Variants in WARS1 observed in about 807,000 individuals in gnomAD.
The protein encoded by WARS1 is tryptophanyl-tRNA synthetase 1.
In WARS1, 17 loss-of-function variants were observed where a neutral mutation model predicts 47.8. The observed-to-expected ratio is 0.36, with a 90% CI of 0.24 to 0.53. WARS1 has a LOEUF of 0.53. WARS1 is among the 20% of genes least tolerant of loss of function. The pLI is 0.91. For synonymous variants in WARS1, 208 were observed against 228.1 expected, an observed-to-expected ratio of 0.91 and a Z score of 0.79; for missense variants, 434 against 608.0, an observed-to-expected ratio of 0.71 and a Z score of 3.01.
intron 7 of WARS1, among the ~76,000 whole-genome samples, chr14:100,343,871 G>C (rs1894342640): frequency 6.6e-6 from 1 of 152,188 alleles, no homozygotes; most frequent in Non-Finnish European, 1.5e-5. Flanking sequence ...TTGACCTCGT[G>C]ATCTGCCCAC....
intron 7 of WARS1, among the ~76,000 whole-genome samples, chr14:100,345,048 G>T (rs1333988351): frequency 1.0e-3 from 121 of 121,496 alleles, no homozygotes; most frequent in Middle Eastern, 4.3e-3. Flanking sequence ...GGAGGGAGGT[G>T]GCGGGGTCAG....
intron 7 of WARS1, among the ~76,000 whole-genome samples, chr14:100,344,739 C>T (rs1323843163): frequency 5.3e-5 from 8 of 151,834 alleles, no homozygotes; most frequent in African/African-American, 1.2e-4. Context: ...CCCGCCGCCC[C>T]GTCTGGGATG....
chr14:100,339,011 C>T lies in WARS1; in HGVS notation c.1114-1809G>A, dbSNP rs1313511798. 2.6e-5 allele frequency among the ~76,000 whole-genome samples: 4 copies of T among 151,706 alleles called. No homozygotes were observed. The East Asian group carries it at 6.0e-4, about 23-fold the overall frequency. ...ATCCCAGCTATTTGGGAGGTTGAGGCAGGAGAATCGCTTGAACCCGGGAGG... is the reference window on the plus strand; with the variant it reads ...ATCCCAGCTATTTGGGAGGTTGAGGTAGGAGAATCGCTTGAACCCGGGAGG... On this transcript the variant is annotated intron_variant, in intron 9 of 10. Transcript: ENST00000392882.
rs1280872688 is a variant in WARS1 at position 100,373,651 on chromosome 14, T to C, written c.-74+1632A>G. The stretch of plus-strand genomic sequence containing the variant: ...ACTGTTTCTTTGCTAGAGGATCAGC[T>C]AGATAAACAGGACTTGCATTTAGGG... On this transcript the variant is annotated intron_variant, in intron 1 of 10. Transcript: ENST00000392882. The surrounding 1 kb of genome is among the most constrained non-coding windows in gnomAD (Gnocchi z 4.4). Among the ~76,000 whole-genome samples, 1 of 152,192 alleles carries C rather than the reference T, an allele frequency of 6.6e-6. No homozygotes were observed. The highest frequency in any genetic ancestry group is 1.5e-5 in the Non-Finnish European group (1 of 68,036).
At chr14:100,355,393 TTG>T (rs1895248434) in intron 4 of WARS1, among the ~76,000 whole-genome samples, 1 of 151,900 alleles carries the variant, frequency 6.6e-6, no homozygotes. Flanking sequence ...AGCTAATTTT[TTG>T]TGTTTTTAAT....
At chr14:100,352,538 T>TG (rs1895064529) in intron 6 of WARS1, among the ~76,000 whole-genome samples, 1 of 152,206 alleles carries the variant, frequency 6.6e-6, no homozygotes, top group Non-Finnish European at 1.5e-5. Flanking sequence ...TGCCTCGGCA[T>TG]GGTCCCTGAT....
intron 4 of WARS1, among the ~76,000 whole-genome samples, chr14:100,356,260 G>GTA (rs1367804828): frequency 6.6e-6 from 1 of 152,140 alleles, no homozygotes; most frequent in Non-Finnish European, 1.5e-5. Flanking sequence ...AGAGGCTACA[G>GTA]TATTACTATA....
intron 7 of WARS1, among the ~76,000 whole-genome samples, chr14:100,344,231 C>T (rs899603519): frequency 2.0e-5 from 3 of 152,128 alleles, no homozygotes; most frequent in Non-Finnish European, 2.9e-5. Flanking sequence ...TGCAGGCGCG[C>T]GCCGCCACGC....
intron 1 of WARS1, chr14:100,370,538 G>C (rs1352949011): frequency 6.6e-6 from 1 of 152,184 alleles, no homozygotes; most frequent in African/African-American, 2.4e-5. Flanking sequence ...CTTGGAGAAG[G>C]AAAATGACAA....
chr14:100,355,050 G>T (rs148200461), intron 4 of WARS1, among the ~76,000 whole-genome samples: 2 of 152,234 alleles, frequency 1.3e-5, no homozygotes, highest in East Asian at 3.9e-4. Context: ...CCCAGTTGGA[G>T]ATCTATCTGG....
intron 2 of WARS1, chr14:100,366,640 T>C: frequency 3.9e-6 from 3 of 762,502 alleles, no homozygotes; most frequent in Non-Finnish European, 7.3e-6. Context: ...CCCATGGACA[T>C]GGACATGAGC....
intron 7 of WARS1, among the ~76,000 whole-genome samples, chr14:100,344,604 C>T (rs1281895350): frequency 2.7e-5 from 4 of 150,410 alleles, no homozygotes; most frequent in Non-Finnish European, 5.9e-5. Flanking sequence ...TGAGGAGCGT[C>T]TCTGCCCGGC....
At chr14:100,359,041 G>A (rs1031400089) in intron 4 of WARS1, among the ~76,000 whole-genome samples, 6 of 152,216 alleles carry the variant, frequency 3.9e-5, no homozygotes, top group Non-Finnish European at 7.3e-5. Flanking sequence ...AAGATGTGGA[G>A]AAATGGGAAG....
At chr14:100,354,090 C>T in intron 5 of WARS1, 1 of 550,058 alleles carries the variant, frequency 1.8e-6, no homozygotes, top group Non-Finnish European at 3.2e-6. Flanking sequence ...AGCTGCTCTA[C>T]ACACTTTGTT....
intron 5 of WARS1, chr14:100,354,123 T>G: frequency 1.9e-6 from 1 of 520,678 alleles, no homozygotes; most frequent in Non-Finnish European, 3.4e-6. Flanking sequence ...AGTAGTTCTA[T>G]GAGGTAGGTA....
chr14:100,344,558 A>G (rs370619005), intron 7 of WARS1, among the ~76,000 whole-genome samples: 1 of 141,826 alleles, frequency 7.1e-6, no homozygotes, highest in Non-Finnish European at 1.5e-5. Context: ...TCTGGGACGT[A>G]AGGAGCCCCT....
rs561102130 is a variant in WARS1 at position 100,373,730 on chromosome 14, A to G, written c.-74+1553T>C. Among the ~76,000 whole-genome samples, 26 of 152,316 alleles carry G rather than the reference A, an allele frequency of 1.7e-4. No individual in the cohort carries two copies. The highest frequency in any genetic ancestry group is 6.3e-4 in the African/African-American group (26 of 41,566). On this transcript the variant is annotated intron_variant, in intron 1 of 10. Transcript: ENST00000392882. This position sits in a 1 kb window ranked among gnomAD's most constrained non-coding sequence, Gnocchi z 4.4. ...ATAAATATCAGAACTCCATTTAAGA[A>G]GCACATGGGAATGAAATTAGACTGA... is the stretch of plus-strand genomic sequence containing the variant.
intron 4 of WARS1, among the ~76,000 whole-genome samples, chr14:100,357,441 A>G (rs1467404444): frequency 6.6e-6 from 1 of 152,138 alleles, no homozygotes; most frequent in Non-Finnish European, 1.5e-5. Flanking sequence ...AGGATATAAG[A>G]TTAATACACA....
chr14:100,370,563 C>G (rs1899072496), intron 1 of WARS1: 1 of 152,184 alleles, frequency 6.6e-6, no homozygotes, highest in Non-Finnish European at 1.5e-5. Flanking sequence ...AGTGCCTGAG[C>G]TGCTAACTTT....
Sources: allele counts gnomAD v4.1 joint callset (sites outside exome capture counted in the v4.1 genomes callset), GRCh38; gene constraint gnomAD v4.1.1; non-coding constraint Gnocchi (gnomAD v3.1); transcripts MANE v1.5; gene names NCBI Gene and HGNC (gene_info 2026-07-23, HGNC 2026-07-21).